PTPN4: variants seen among roughly 807,000 people sequenced by gnomAD.
PTPN4 encodes the protein tyrosine-protein phosphatase non-receptor type 4.
Under a neutral mutation model 135.5 loss-of-function variants are expected in PTPN4, and 49 were observed. The observed-to-expected ratio is 0.36, with a 90% CI of 0.29 to 0.46. The LOEUF is 0.46. Among genes scored for constraint, PTPN4 ranks in the 20% least tolerant of loss-of-function variants. PTPN4 has a pLI of 1.00. For synonymous variants in PTPN4, 333 were observed against 369.9 expected (o/e 0.90, Z 1.14); for missense variants, 860 against 1,101.0 (o/e 0.78, Z 3.10).
chr2:119,928,788 AAC>A (rs1678861105), intron 13 of PTPN4, among the ~76,000 whole-genome samples: 1 of 152,104 alleles, frequency 6.6e-6, no homozygotes, highest in Admixed American at 6.5e-5. Flanking sequence ...GACTTTTATA[AAC>A]AGTGTAGAAC....
chr2:119,912,006 C>T (rs1033378976), intron 10 of PTPN4, among the ~76,000 whole-genome samples: 1 of 152,050 alleles, frequency 6.6e-6, no homozygotes. Context: ...TTTGTAATAG[C>T]CGAAAACTAG....
rs767567080 is a variant in PTPN4 at position 119,921,047 on chromosome 2, G to A, written c.1001+806G>A. ...TGTAATCCCAGCTCTTTGGGAGGCC[G>A]AGGCAGGCGGATCACCAGAGGTCAG... is the stretch of plus-strand genomic sequence containing the variant. On this transcript the variant is annotated intron_variant, in intron 12 of 26. Transcript: ENST00000263708. 8.0e-4 allele frequency among the ~76,000 whole-genome samples: 122 copies of A among 152,066 alleles called. 1 individual carries two copies. The highest frequency in any genetic ancestry group is 3.5e-4 in the Non-Finnish European group (24 of 68,002).
intron 25 of PTPN4, 90 bp downstream of exon 25, chr2:119,965,735 T>A: frequency 7.0e-7 from 1 of 1,419,910 alleles, no homozygotes; most frequent in South Asian, 1.4e-5. Context: ...ATGGTGTTAT[T>A]GTCACTGTAA....
chr2:119,915,168 C>T lies in PTPN4; in HGVS notation c.765-11C>T. 2 of 1,513,176 alleles carry T rather than the reference C, an allele frequency of 1.3e-6. No homozygotes were observed. Among genetic ancestry groups the T allele is most frequent in the South Asian group, 1.3e-5 (1 of 77,780 alleles). The allele number at this position is 1,513,176 out of a possible 1,614,324, so 93.7% of individuals were successfully genotyped here. On this transcript the variant is annotated splice_polypyrimidine_tract_variant and intron_variant, in intron 10 of 26. Transcript: ENST00000263708. The stretch of plus-strand genomic sequence containing the variant: ...TTCAATACTTTGAATAATTTATTGT[C>T]TTTTGTCCAGGTTGAAGATTGTAAA...
At chr2:119,850,059 A>G (rs1289823586) in intron 2 of PTPN4, among the ~76,000 whole-genome samples, 6 of 152,210 alleles carry the variant, frequency 3.9e-5, no homozygotes, top group Non-Finnish European at 8.8e-5. Flanking sequence ...TTCCCTGGTT[A>G]TCTCTGGTAA....
At chr2:119,843,593 G>A (rs1384767886) in intron 2 of PTPN4, among the ~76,000 whole-genome samples, 2 of 101,246 alleles carry the variant, frequency 2.0e-5, no homozygotes, top group Non-Finnish European at 4.0e-5. Flanking sequence ...TCACCTCCCG[G>A]ACGGGGCGGC....
intron 1 of PTPN4, 85 bp from the exon 2 acceptor site, chr2:119,809,752 G>T: frequency 1.7e-6 from 2 of 1,185,212 alleles, no homozygotes; most frequent in Admixed American, 3.1e-5. Context: ...TTTTAATTGA[G>T]AAATATATAA....
At chr2:119,844,958 G>A (rs1227866347) in intron 2 of PTPN4, among the ~76,000 whole-genome samples, 1 of 150,974 alleles carries the variant, frequency 6.6e-6, no homozygotes, top group Non-Finnish European at 1.5e-5. Flanking sequence ...TCCAGCCTGG[G>A]CACCATTGAG....
intron 1 of PTPN4, among the ~76,000 whole-genome samples, chr2:119,777,734 G>A (rs985795334): frequency 3.9e-5 from 6 of 152,040 alleles, no homozygotes; most frequent in African/African-American, 7.2e-5. Flanking sequence ...AGCTCACTGC[G>A]GTCTCAACCT....
intron 1 of PTPN4, among the ~76,000 whole-genome samples, chr2:119,800,330 C>T (rs993974382): frequency 1.3e-5 from 2 of 152,078 alleles, no homozygotes; most frequent in Non-Finnish European, 1.5e-5. Flanking sequence ...TTTACATTTC[C>T]CAAATGGCTC....
At chr2:119,911,593 T>C (rs951912645) in intron 10 of PTPN4, among the ~76,000 whole-genome samples, 7 of 152,128 alleles carry the variant, frequency 4.6e-5, no homozygotes, top group Admixed American at 6.6e-5. Context: ...GAGGAAAATA[T>C]ATGCTTCATC....
At position 119,775,492 on chromosome 2, in the gene PTPN4, C is replaced by T. The variant is rs572163639; in HGVS notation, c.-18+15108C>T. 1.4e-3 allele frequency among the ~76,000 whole-genome samples: 209 copies of T among 152,230 alleles called. 2 individuals carry two copies. Among genetic ancestry groups the T allele is most frequent in the Non-Finnish European group, 2.6e-3 (176 of 68,018 alleles). ...TTTAACCTTATGTTGAAGTGGTCTG[C>T]GCGCTCTTCCAAACACAACATTTCT... On this transcript the variant is annotated intron_variant, in intron 1 of 26. Transcript: ENST00000263708.
At chr2:119,808,388 A>G (rs561885769) in intron 1 of PTPN4, among the ~76,000 whole-genome samples, 2 of 152,340 alleles carry the variant, frequency 1.3e-5, no homozygotes, top group South Asian at 4.1e-4. Context: ...GTCCCAGGAT[A>G]CAAAATCAAT....
chr2:119,938,725 A>C (rs1679021033), intron 15 of PTPN4, among the ~76,000 whole-genome samples: 1 of 152,210 alleles, frequency 6.6e-6, no homozygotes, highest in Non-Finnish European at 1.5e-5. Flanking sequence ...ATATTCTGAT[A>C]AGTTCTGGGA....
intron 14 of PTPN4, among the ~76,000 whole-genome samples, chr2:119,933,903 G>A (rs1678944485): frequency 6.6e-6 from 1 of 152,010 alleles, no homozygotes; most frequent in Non-Finnish European, 1.5e-5. Context: ...AGCCTCATTA[G>A]CTTGTCTGAA....
chr2:119,975,288 T>C (rs931990814), intron 26 of PTPN4, among the ~76,000 whole-genome samples: 2 of 152,154 alleles, frequency 1.3e-5, no homozygotes, highest in African/African-American at 4.8e-5. Flanking sequence ...AATTTTTTTT[T>C]CTTTTTTTGT....
chr2:119,961,564 A>G (rs1679367017), intron 23 of PTPN4, among the ~76,000 whole-genome samples: 1 of 152,216 alleles, frequency 6.6e-6, no homozygotes, highest in South Asian at 2.1e-4. Context: ...CCTAAATCCA[A>G]AAGAGTTGAA....
At chr2:119,938,754 A>G (rs1369560997) in intron 15 of PTPN4, among the ~76,000 whole-genome samples, 1 of 152,086 alleles carries the variant, frequency 6.6e-6, no homozygotes, top group African/African-American at 2.4e-5. Flanking sequence ...GAGGCCTCAG[A>G]TACTGACAGG....
chr2:119,906,388 C>T (rs1436026420), intron 10 of PTPN4, among the ~76,000 whole-genome samples: 1 of 151,920 alleles, frequency 6.6e-6, no homozygotes, highest in African/African-American at 2.4e-5. Context: ...AATATAGATG[C>T]AAAATTCCTC....
Sources: allele counts gnomAD v4.1 joint callset (sites outside exome capture counted in the v4.1 genomes callset), GRCh38; gene constraint gnomAD v4.1.1; transcripts MANE v1.5; gene names NCBI Gene and HGNC (gene_info 2026-07-23, HGNC 2026-07-21).